The following TMEM39B variants were observed in gnomAD, a reference collection of about 807,000 sequenced individuals.
TMEM39B encodes transmembrane protein 39B.
In TMEM39B, 23 loss-of-function variants were observed where a neutral mutation model predicts 52.2. That is an observed-to-expected ratio of 0.44 (90% CI 0.32 to 0.62). The LOEUF is 0.62. TMEM39B is among the 20% of genes least tolerant of loss of function. The pLI is 0.06. For synonymous variants in TMEM39B, 285 were observed against 264.0 expected (o/e 1.08, Z -0.77); for missense variants, 547 against 642.0 (o/e 0.85, Z 1.60).
intron 5 of TMEM39B, chr1:32,086,883 G>A (rs1430118149): frequency 3.9e-5 from 6 of 152,042 alleles, no homozygotes; most frequent in African/African-American, 1.5e-4. Flanking sequence ...GACCAGTCTG[G>A]GCAACATGGC....
At chr1:32,096,570 C>T (rs1388999478) in intron 7 of TMEM39B, among the ~76,000 whole-genome samples, 3 of 150,506 alleles carry the variant, frequency 2.0e-5, no homozygotes, top group Non-Finnish European at 4.4e-5. Flanking sequence ...AGCGATTCTC[C>T]TGCCTCGGGC....
intron 3 of TMEM39B, chr1:32,076,076 C>A: frequency 3.1e-6 from 1 of 323,248 alleles, no homozygotes. Flanking sequence ...CCTAAAGGAG[C>A]TCAGAGTCCT....
intron 5 of TMEM39B, among the ~76,000 whole-genome samples, chr1:32,082,348 T>C (rs1640134480): frequency 6.6e-6 from 1 of 152,196 alleles, no homozygotes; most frequent in South Asian, 2.1e-4. Context: ...TTGATATAAT[T>C]ATGTGTATGA....
chr1:32,088,772 T>TTTTTTTTTTTTTTTTTTTTTTTTG (rs1557430837), intron 5 of TMEM39B, among the ~76,000 whole-genome samples: 6 of 152,132 alleles, frequency 3.9e-5, no homozygotes, highest in South Asian at 2.1e-4. Flanking sequence ...CGAGATTCTT[T>TTTTTTTTTTTTTTTTTTTTTTTTG]AAGTTTAAGC....
At chr1:32,075,874 G>A (rs1639836857) in intron 3 of TMEM39B, 52 bp downstream of exon 3, 1 of 1,205,286 alleles carries the variant, frequency 8.3e-7, no homozygotes, top group African/African-American at 1.5e-5. Context: ...GCGTGTGTGT[G>A]TATGTGTGTG....
Position 32,102,600 on chromosome 1 carries a change from A to T in TMEM39B, c.1406A>T (p.Asp469Val), listed in dbSNP as rs1641059830. The T allele has an allele frequency of 1.9e-6, 3 of 1,613,444 alleles. No homozygotes were observed. Among genetic ancestry groups the T allele is most frequent in the Non-Finnish European group, 8.5e-7 (1 of 1,179,844 alleles). ...NYYAFFKLLR[D>V]RLVLGKAYSY... is the part of the protein sequence containing the mutation. ...TATGCCTTCTTCAAGCTGCTCCGGG[A>T]CCGCTTGGTATTGGGCAAGGCCTAC... The change falls in exon 9 of 9, where the codon GAC becomes GTC. Residue 469 changes from aspartate to valine, a missense_variant. Transcript: ENST00000336294.
At chr1:32,096,575 T>C (rs964433744) in intron 7 of TMEM39B, among the ~76,000 whole-genome samples, 1 of 148,754 alleles carries the variant, frequency 6.7e-6, no homozygotes, top group Non-Finnish European at 1.5e-5. Flanking sequence ...TTCTCCTGCC[T>C]CGGGCCTCCC....
rs1388700472 is a variant in TMEM39B at position 32,072,947 on chromosome 1, G to A, written c.-101G>A. The A allele has an allele frequency of 2.7e-6, 4 of 1,457,662 alleles. No homozygotes were observed. Among genetic ancestry groups the A allele is most frequent in the African/African-American group, 2.9e-5 (2 of 68,598 alleles). The allele number at this position is 1,457,662 out of a possible 1,614,324, so 90.3% of individuals were successfully genotyped here. A position where few individuals can be genotyped will look rare whatever the true frequency, so the allele number is the denominator to read the frequency against. On this transcript the variant is annotated 5_prime_UTR_variant, in exon 1 of 9. Transcript: ENST00000336294. ...GGCGGGAGCGCGCGGCTGATACCCG[G>A]GACTGGGCTGCGGCGGTTAGTCCTC...
Position 32,095,104 on chromosome 1 carries a change from G to A in TMEM39B, c.1115+133G>A, listed in dbSNP as rs947132678. ...CGTGTCTTGTATATTATTAGGCCAG[G>A]TGTCCAGGGTGGGGTATGGTGGGGC... is the stretch of plus-strand genomic sequence containing the variant. On this transcript the variant is annotated intron_variant, in intron 7 of 8. Coordinates refer to ENST00000336294, the MANE Select transcript of TMEM39B (RefSeq NM_018056.4). 9.1e-6 allele frequency: 10 copies of A among 1,098,850 alleles called. No individual in the cohort carries two copies. In the African/African-American group the frequency reaches 1.2e-4, roughly 14 times the overall value. The allele number at this position is 1,098,850 out of a possible 1,614,324, so 68.1% of individuals were successfully genotyped here. A position where few individuals can be genotyped will look rare whatever the true frequency, so the allele number is the denominator to read the frequency against.
rs186924936 is a variant in TMEM39B, at chr1:32,082,853, C to T, written c.590+5535C>T. ...GCAGTGGCACGATCTCAACTCACTGCAAGCTCTGCCTCCTGGGTTCACGCC... is the reference window on the plus strand; with the variant it reads ...GCAGTGGCACGATCTCAACTCACTGTAAGCTCTGCCTCCTGGGTTCACGCC... On this transcript the variant is annotated intron_variant, in intron 5 of 8. Coordinates refer to ENST00000336294, the MANE Select transcript of TMEM39B (RefSeq NM_018056.4). Among the ~76,000 whole-genome samples the T allele has an allele frequency of 1.6e-3, 243 of 152,106 alleles. 2 individuals carry two copies. Among genetic ancestry groups the T allele is most frequent in the African/African-American group, 5.7e-3 (235 of 41,498 alleles).
At chr1:32,098,022 G>T (rs1292894566) in intron 7 of TMEM39B, among the ~76,000 whole-genome samples, 1 of 151,594 alleles carries the variant, frequency 6.6e-6, no homozygotes, top group Non-Finnish European at 1.5e-5. Context: ...TTGAGACGGG[G>T]TTTCGCTCTT....
intron 7 of TMEM39B, among the ~76,000 whole-genome samples, chr1:32,097,276 G>C (rs897359878): frequency 6.6e-6 from 1 of 151,486 alleles, no homozygotes; most frequent in African/African-American, 2.4e-5. Context: ...TCTTTCACGA[G>C]AGGTTAGTTT....
At chr1:32,072,784 GTC>G (rs1048220632), upstream of TMEM39B, 2 of 533,934 alleles carry the variant, frequency 3.7e-6, no homozygotes, top group Non-Finnish European at 6.6e-6. Context: ...TCCCTCTTGA[GTC>G]TCTTCACCAG....
At chr1:32,087,639 A>T (rs960933300) in intron 5 of TMEM39B, 10 of 149,126 alleles carry the variant, frequency 6.7e-5, no homozygotes, top group Non-Finnish European at 1.2e-4. Context: ...TAATAATAAT[A>T]ATTTCATCTC....
At chr1:32,086,573 C>G (rs1406898353) in intron 5 of TMEM39B, among the ~76,000 whole-genome samples, 1 of 151,948 alleles carries the variant, frequency 6.6e-6, no homozygotes. Flanking sequence ...TTGAGACCAG[C>G]CTGGGCAACT....
At position 32,102,535 on chromosome 1, in the gene TMEM39B, C is replaced by A; in HGVS notation, c.1341C>A (p.His447Gln). ...LYSLMSSEKWHQTISLALILF... is the reference protein window; with the variant it reads ...LYSLMSSEKWQQTISLALILF... ...CCCTAATGTCCTCTGAAAAGTGGCA[C>A]CAGACCATCTCGCTGGCCCTCATCC... The change falls in exon 9 of 9, where the codon CAC becomes CAA. Residue 447 changes from histidine (H) to glutamine (Q), a missense_variant. Transcript: ENST00000336294. 1 of 1,614,154 alleles carries A rather than the reference C, an allele frequency of 6.2e-7. No homozygotes were observed. The highest frequency in any genetic ancestry group is 1.3e-5 in the African/African-American group (1 of 75,020).
chr1:32,081,729 T>C lies in TMEM39B; in HGVS notation c.590+4411T>C, dbSNP rs1640108207. Among the ~76,000 whole-genome samples the C allele has an allele frequency of 3.3e-5, 5 of 152,080 alleles. No individual in the cohort carries two copies. The South Asian group carries it at 1.0e-3, about 32-fold the overall frequency. On this transcript the variant is annotated intron_variant, in intron 5 of 8. Transcript: ENST00000336294. ...CACCACTGCACTCCAGCCTGGGCAA[T>C]AGAGTGAGACTCTGTCTCAAAAAAA...
Position 32,102,738 on chromosome 1 carries a change from T to C in TMEM39B, c.*65T>C. On this transcript the variant is annotated 3_prime_UTR_variant, in exon 9 of 9. Transcript: ENST00000336294. The stretch of plus-strand genomic sequence containing the variant: ...CAAGGGCTCCCTGGCAAGGGGCTGT[T>C]GGGTAGAAGTGGTGGTGGGGGGGAC... 7.1e-7 allele frequency: 1 copy of C among 1,405,708 alleles called. No individual in the cohort carries two copies. Among genetic ancestry groups the C allele is most frequent in the South Asian group, 1.8e-5 (1 of 54,228 alleles). The allele number at this position is 1,405,708 out of a possible 1,614,324, so 87.1% of individuals were successfully genotyped here. A position where few individuals can be genotyped will look rare whatever the true frequency, so the allele number is the denominator to read the frequency against.
intron 4 of TMEM39B, 86 bp from the exon 5 acceptor site, chr1:32,077,078 T>G: frequency 6.4e-7 from 1 of 1,562,954 alleles, no homozygotes; most frequent in South Asian, 1.2e-5. Context: ...CTGGGTGGGA[T>G]CACAGGTCAT....
Sources: allele counts gnomAD v4.1 joint callset (sites outside exome capture counted in the v4.1 genomes callset), GRCh38; gene constraint gnomAD v4.1.1; transcripts MANE v1.5; gene names NCBI Gene and HGNC (gene_info 2026-07-23, HGNC 2026-07-21).